DPYD: variants seen among roughly 807,000 people sequenced by gnomAD.
DPYD encodes the protein dihydropyrimidine dehydrogenase.
Under a neutral mutation model 116.2 loss-of-function variants are expected in DPYD, and 109 were observed. The ratio of observed to expected loss-of-function variants is 0.94; its 90% confidence interval spans 0.80 to 1.10. The LOEUF (loss-of-function observed/expected upper bound fraction) is 1.10. DPYD is among the 50% of genes least tolerant of loss of function. The pLI is 0.00. For missense variants in DPYD, 1,302 were observed against 1,254.5 expected (o/e 1.04, Z -0.57); for synonymous variants, 440 against 432.0 (o/e 1.02, Z -0.23).
chr1:97,535,430 C>A (rs1649921915), intron 12 of DPYD, among the ~76,000 whole-genome samples: 1 of 152,112 alleles, frequency 6.6e-6, no homozygotes, highest in South Asian at 2.1e-4. Flanking sequence ...ATTGATACTG[C>A]AGTGGTTAAT....
intron 20 of DPYD, among the ~76,000 whole-genome samples, chr1:97,111,710 A>C (rs1190650831): frequency 6.6e-6 from 1 of 152,056 alleles, no homozygotes; most frequent in Non-Finnish European, 1.5e-5. Flanking sequence ...ACTAGATTAA[A>C]ATGTTCACTA....
At position 97,893,117 on chromosome 1, in the gene DPYD, A is replaced by C. The variant is rs149071625; in HGVS notation, c.40-9743T>G. On this transcript the variant is annotated intron_variant, in intron 1 of 22. Coordinates refer to ENST00000370192, the MANE Select transcript of DPYD (RefSeq NM_000110.4). ...ACTAGGTTTTAGCCACTATTAACCC[A>C]ATGTATACTCATATTCCTATATTGT... Among the ~76,000 whole-genome samples, 455 of 151,856 alleles carry C rather than the reference A, an allele frequency of 3.0e-3. 2 individuals carry two copies. Among genetic ancestry groups the C allele is most frequent in the African/African-American group, 0.011 (438 of 41,522 alleles).
chr1:97,461,169 T>C (rs1254002542), intron 13 of DPYD, among the ~76,000 whole-genome samples: 1 of 152,166 alleles, frequency 6.6e-6, no homozygotes, highest in East Asian at 1.9e-4. Flanking sequence ...CACCCTTCTA[T>C]TGCTTGTGCT....
chr1:97,466,985 C>T (rs1677361010), intron 13 of DPYD, among the ~76,000 whole-genome samples: 1 of 152,162 alleles, frequency 6.6e-6, no homozygotes, highest in African/African-American at 2.4e-5. Context: ...AAAGGAAAAA[C>T]TTGAGATCCT....
chr1:97,692,360 A>T (rs1661053365), intron 6 of DPYD, among the ~76,000 whole-genome samples: 1 of 150,596 alleles, frequency 6.6e-6, no homozygotes, highest in Admixed American at 6.6e-5. Context: ...GAAAGCAATG[A>T]GTATTCCAAA....
chr1:97,870,076 T>C (rs1297768716), intron 2 of DPYD, among the ~76,000 whole-genome samples: 12 of 151,874 alleles, frequency 7.9e-5, no homozygotes, highest in Admixed American at 3.9e-4. Flanking sequence ...TATTCAAATA[T>C]TGATGTTGGA....
At chr1:97,641,600 C>T (rs1657910371) in intron 8 of DPYD, among the ~76,000 whole-genome samples, 1 of 152,086 alleles carries the variant, frequency 6.6e-6, no homozygotes, top group Admixed American at 6.6e-5. Flanking sequence ...GAACGTATCT[C>T]AAAATAATAA....
intron 2 of DPYD, among the ~76,000 whole-genome samples, chr1:97,862,200 A>G (rs1571488903): frequency 6.6e-6 from 1 of 152,054 alleles, no homozygotes; most frequent in East Asian, 1.9e-4. Context: ...GATAAAACAG[A>G]AAACAGTAAA....
intron 8 of DPYD, among the ~76,000 whole-genome samples, chr1:97,609,484 G>C (rs1358705609): frequency 6.6e-6 from 1 of 151,938 alleles, no homozygotes; most frequent in African/African-American, 2.4e-5. Context: ...CTTTGCATTT[G>C]TAAAGTGATT....
intron 3 of DPYD, among the ~76,000 whole-genome samples, chr1:97,796,736 A>G (rs1667589759): frequency 6.6e-6 from 1 of 150,970 alleles, no homozygotes; most frequent in South Asian, 2.1e-4. Flanking sequence ...TTACCACAAA[A>G]GTAATAATTA....
intron 6 of DPYD, among the ~76,000 whole-genome samples, chr1:97,695,510 C>T (rs1661245692): frequency 6.6e-6 from 1 of 150,644 alleles, no homozygotes; most frequent in African/African-American, 2.4e-5. Flanking sequence ...AAATATAGGG[C>T]CCATGAGAAG....
intron 14 of DPYD, among the ~76,000 whole-genome samples, chr1:97,386,043 G>A (rs1183678325): frequency 1.3e-5 from 2 of 152,050 alleles, no homozygotes; most frequent in Non-Finnish European, 2.9e-5. Context: ...AATGCTGGTG[G>A]GGCAGCCTCT....
intron 1 of DPYD, among the ~76,000 whole-genome samples, chr1:97,893,125 C>T (rs890776477): frequency 2.0e-5 from 3 of 151,612 alleles, no homozygotes; most frequent in Admixed American, 2.0e-4. Flanking sequence ...CCAATGTATA[C>T]TCATATTCCT....
At chr1:97,376,887 G>A (rs11582736) in intron 15 of DPYD, among the ~76,000 whole-genome samples, 21,225 of 128,616 alleles carry the variant, frequency 0.17, 2,235 homozygotes, top group Non-Finnish European at 0.22. Flanking sequence ...GTGTGTGTGT[G>A]TATATATATA....
chr1:97,406,007 C>G (rs1673635577), intron 14 of DPYD, among the ~76,000 whole-genome samples: 1 of 152,124 alleles, frequency 6.6e-6, no homozygotes, highest in Non-Finnish European at 1.5e-5. Flanking sequence ...TCACAATATC[C>G]TTGGTGTCCC....
chr1:97,734,148 T>C (rs977663145), intron 4 of DPYD, among the ~76,000 whole-genome samples: 6 of 152,132 alleles, frequency 3.9e-5, no homozygotes, highest in Admixed American at 3.3e-4. Context: ...TCCCATATTT[T>C]ATAGCTGCTT....
At chr1:97,218,671 C>T (rs1385008973) in intron 19 of DPYD, among the ~76,000 whole-genome samples, 1 of 151,282 alleles carries the variant, frequency 6.6e-6, no homozygotes. Context: ...ACTCCATAAG[C>T]AATAAACTCA....
At chr1:97,824,015 T>C (rs1407748179) in intron 3 of DPYD, among the ~76,000 whole-genome samples, 2 of 152,120 alleles carry the variant, frequency 1.3e-5, no homozygotes, top group Non-Finnish European at 2.9e-5. Context: ...ATCAGATCTT[T>C]ATAGTATCTA....
chr1:97,196,781 G>A (rs181027786), intron 19 of DPYD, among the ~76,000 whole-genome samples: 2 of 152,074 alleles, frequency 1.3e-5, no homozygotes, highest in African/African-American at 4.8e-5. Context: ...CCATACAATA[G>A]AATATGACCT....
Sources: gnomAD v4.1 joint callset for allele counts (sites outside exome capture counted in the v4.1 genomes callset) on GRCh38, gnomAD v4.1.1 for gene constraint, MANE v1.5 for transcripts, NCBI Gene and HGNC (gene_info 2026-07-23, HGNC 2026-07-21) for gene names.